The following CELF2 variants were observed in gnomAD, a reference collection of about 807,000 sequenced individuals.
The protein encoded by CELF2 is CUGBP Elav-like family member 2.
CELF2 carries 8 observed loss-of-function variants against 62.6 expected under a neutral mutation model. The observed-to-expected ratio is 0.13, with a 90% CI of 0.07 to 0.23. The LOEUF (loss-of-function observed/expected upper bound fraction) is 0.23. Among genes scored for constraint, CELF2 ranks in the 10% least tolerant of loss-of-function variants. The pLI is 1.00. For missense variants in CELF2, 333 were observed against 671.0 expected, an observed-to-expected ratio of 0.50 and a Z score of 5.56; for synonymous variants, 258 against 250.0, an observed-to-expected ratio of 1.03 and a Z score of -0.30.
At chr10:10,886,244 C>T (rs2061740389) in intron 1 of CELF2, among the ~76,000 whole-genome samples, 1 of 152,190 alleles carries the variant, frequency 6.6e-6, no homozygotes, top group Non-Finnish European at 1.5e-5. Context: ...GTTAGTTATA[C>T]CAGCATAAGT....
the CELF2 span, among the ~76,000 whole-genome samples, chr10:10,546,516 T>A: frequency 6.6e-6 from 1 of 152,158 alleles, no homozygotes; most frequent in Non-Finnish European, 1.5e-5. Flanking sequence ...CCAACTGTAT[T>A]ATAAGTAAAC....
Position 11,285,224 on chromosome 10 carries a change from C to G in CELF2, c.842-3194C>G, listed in dbSNP as rs1215733180. Among the ~76,000 whole-genome samples the G allele has an allele frequency of 6.6e-6, 1 of 151,998 alleles. No individual in the cohort carries two copies. The highest frequency in any genetic ancestry group is 1.5e-5 in the Non-Finnish European group (1 of 67,962). On this transcript the variant is annotated intron_variant, in intron 8 of 12. Transcript: ENST00000633077. This position sits in a 1 kb window ranked among gnomAD's most constrained non-coding sequence, Gnocchi z 4.3. ...GGTTCTGACTAACTCTTCTTCTCTCCTTTTGTCCTCACATCCCTCAGATGC... is the reference window on the plus strand; with the variant it reads ...GGTTCTGACTAACTCTTCTTCTCTCGTTTTGTCCTCACATCCCTCAGATGC...
At chr10:11,049,800 T>C (rs905604444) in intron 1 of CELF2, among the ~76,000 whole-genome samples, 1 of 152,114 alleles carries the variant, frequency 6.6e-6, no homozygotes, top group Non-Finnish European at 1.5e-5. Flanking sequence ...CGGGGAGTGC[T>C]AAGTGTGACA....
At chr10:10,517,453 C>A in the CELF2 span, among the ~76,000 whole-genome samples, 1 of 152,190 alleles carries the variant, frequency 6.6e-6, no homozygotes, top group African/African-American at 2.4e-5. Flanking sequence ...ACCACCCTGA[C>A]CCTGGTCAGC....
At chr10:10,609,143 T>C in the CELF2 span, among the ~76,000 whole-genome samples, 18 of 152,334 alleles carry the variant, frequency 1.2e-4, no homozygotes, top group African/African-American at 4.1e-4. Flanking sequence ...GTGTACTGTG[T>C]CATGCCTATA....
At chr10:11,248,879 T>G (rs2076351902) in intron 3 of CELF2, among the ~76,000 whole-genome samples, 3 of 152,158 alleles carry the variant, frequency 2.0e-5, no homozygotes, top group Admixed American at 1.3e-4. Flanking sequence ...AGAAATCATA[T>G]CGAGTGGCAG....
At chr10:10,607,743 C>T in the CELF2 span, among the ~76,000 whole-genome samples, 1 of 152,126 alleles carries the variant, frequency 6.6e-6, no homozygotes, top group Non-Finnish European at 1.5e-5. Context: ...AATGAGAATC[C>T]AGGCATTAAA....
chr10:10,965,563 A>G (rs1222578890), intron 2 of CELF2, among the ~76,000 whole-genome samples: 1 of 152,216 alleles, frequency 6.6e-6, no homozygotes, highest in Admixed American at 6.5e-5. Flanking sequence ...CTGCATTGCT[A>G]ATGATTCCCA....
At chr10:11,083,024 CCT>C (rs1466068211) in intron 1 of CELF2, among the ~76,000 whole-genome samples, 1 of 152,220 alleles carries the variant, frequency 6.6e-6, no homozygotes, top group Non-Finnish European at 1.5e-5. Context: ...TAGTGTTCCT[CCT>C]CTCCCTTCAT....
the CELF2 span, among the ~76,000 whole-genome samples, chr10:10,694,653 C>G: frequency 1.3e-5 from 2 of 151,566 alleles, no homozygotes; most frequent in East Asian, 3.9e-4. Flanking sequence ...GTCTAAGTCT[C>G]TTTGTAGGTC....
In CELF2 at chr10:11,331,767, TG is replaced by T. The variant is rs1381662468; in HGVS notation, c.*2715del. The T allele has an allele frequency of 6.6e-6, 1 of 152,632 alleles. No individual in the cohort carries two copies. The highest frequency in any genetic ancestry group is 2.4e-5 in the African/African-American group (1 of 41,448). 9.5% of individuals were successfully genotyped at this position (152,632 alleles called of 1,614,324 possible). On this transcript the variant is annotated 3_prime_UTR_variant, in exon 13 of 13. Transcript: ENST00000633077. The stretch of plus-strand genomic sequence containing the variant: ...CTTTTTTAACCACTCCGCACATCAG[TG>T]CTGTGAAGGCAACCTCACCATGTAT...
intron 5 of CELF2, 80 bp downstream of exon 5, chr10:11,257,952 C>T (rs947905418): frequency 2.2e-5 from 34 of 1,534,898 alleles, no homozygotes; most frequent in Non-Finnish European, 2.3e-5. Context: ...ATGTAGGCAC[C>T]GCACACGGCA....
intron 1 of CELF2, among the ~76,000 whole-genome samples, chr10:10,907,855 A>G (rs546977756): frequency 2.0e-5 from 3 of 152,324 alleles, no homozygotes; most frequent in South Asian, 4.1e-4. Flanking sequence ...TTCAGAGGTA[A>G]TGATGGATAC....
the CELF2 span, among the ~76,000 whole-genome samples, chr10:10,564,217 GC>G: frequency 5.1e-4 from 77 of 152,104 alleles, no homozygotes; most frequent in Non-Finnish European, 5.0e-4. Context: ...AGGATTTAAA[GC>G]CTCTCTATTC....
chr10:11,294,886 G>A (rs930340111), intron 9 of CELF2, among the ~76,000 whole-genome samples: 3 of 152,306 alleles, frequency 2.0e-5, no homozygotes, highest in Middle Eastern at 3.4e-3. Flanking sequence ...CTCCAGCCTG[G>A]GCAACAGAGT....
rs1456886123 is a variant in CELF2 at position 11,332,168 on chromosome 10, G to GGTAGATTC, written c.*3116_*3123dup. On this transcript the variant is annotated 3_prime_UTR_variant, in exon 13 of 13. Coordinates refer to ENST00000633077, the MANE Select transcript of CELF2 (RefSeq NM_001326342.2). ...TGGATAAACCCTGAGGGAAAACGGA[G>GGTAGATTC]GTAGATTCAGCACCTAACAATCCTG... 1.3e-5 allele frequency: 2 copies of GGTAGATTC among 149,632 alleles called. No homozygotes were observed. The highest frequency in any genetic ancestry group is 1.5e-5 in the Non-Finnish European group (1 of 68,020). 9.3% of individuals were successfully genotyped at this position (149,632 alleles called of 1,614,324 possible).
At chr10:10,723,876 A>G in the CELF2 span, among the ~76,000 whole-genome samples, 25 of 152,208 alleles carry the variant, frequency 1.6e-4, no homozygotes, top group African/African-American at 4.3e-4. Context: ...GGGAGCCCCA[A>G]ATATTACTAT....
the CELF2 span, among the ~76,000 whole-genome samples, chr10:10,751,112 G>A: frequency 3.3e-5 from 5 of 152,348 alleles, no homozygotes; most frequent in African/African-American, 1.2e-4. Flanking sequence ...ATCTCACTGT[G>A]CTAACAATAG....
the CELF2 span, among the ~76,000 whole-genome samples, chr10:10,594,314 A>C: frequency 4.6e-5 from 7 of 152,150 alleles, no homozygotes; most frequent in African/African-American, 1.7e-4. Flanking sequence ...AGAAAGAAAA[A>C]GTGATTATTT....
Sources: gnomAD v4.1 joint callset for allele counts (sites outside exome capture counted in the v4.1 genomes callset) on GRCh38, gnomAD v4.1.1 for gene constraint, Gnocchi (gnomAD v3.1) non-coding constraint, MANE v1.5 for transcripts, NCBI Gene and HGNC (gene_info 2026-07-23, HGNC 2026-07-21) for gene names.